Variants in GABBR2 observed in about 807,000 individuals in gnomAD.
The protein encoded by GABBR2 is G-protein coupled receptor 51.
A neutral mutation model predicts 105.6 loss-of-function variants in GABBR2; 23 were observed. That is an observed-to-expected ratio of 0.22 (90% CI 0.16 to 0.31). The LOEUF (loss-of-function observed/expected upper bound fraction) is 0.31, where lower values mean the gene tolerates loss of function less well. Ranked by LOEUF, GABBR2 falls within the 10% of genes least tolerant of loss-of-function variation. GABBR2 has a pLI of 1.00. For missense variants in GABBR2, 734 were observed against 1,245.5 expected, an observed-to-expected ratio of 0.59 and a Z score of 6.18; for synonymous variants, 478 against 499.7, an observed-to-expected ratio of 0.96 and a Z score of 0.58.
At chr9:98,462,617 C>T (rs928404824) in intron 6 of GABBR2, among the ~76,000 whole-genome samples, 6 of 152,180 alleles carry the variant, frequency 3.9e-5, no homozygotes, top group Non-Finnish European at 5.9e-5. Flanking sequence ...CCACTACACA[C>T]CCACTAGTTT....
At chr9:98,664,439 G>A (rs374300714) in intron 1 of GABBR2, among the ~76,000 whole-genome samples, 6 of 152,284 alleles carry the variant, frequency 3.9e-5, no homozygotes, top group African/African-American at 1.2e-4. Context: ...TCAGATTAAC[G>A]CAGACTCAGG....
At chr9:98,523,423 G>A (rs913988079) in intron 3 of GABBR2, among the ~76,000 whole-genome samples, 6 of 152,116 alleles carry the variant, frequency 3.9e-5, no homozygotes, top group Non-Finnish European at 8.8e-5. Context: ...ATCTTTAAAG[G>A]AGAAGCAAGT....
intron 2 of GABBR2, among the ~76,000 whole-genome samples, chr9:98,562,730 A>G (rs546522393): frequency 6.2e-4 from 95 of 152,240 alleles, no homozygotes; most frequent in African/African-American, 2.2e-3. Flanking sequence ...AACTTTCAAA[A>G]TAACAAAATT....
At chr9:98,692,213 C>T (rs1355578896) in intron 1 of GABBR2, among the ~76,000 whole-genome samples, 1 of 152,140 alleles carries the variant, frequency 6.6e-6, no homozygotes, top group Non-Finnish European at 1.5e-5. Flanking sequence ...AGAGGTCACA[C>T]CCGAGTCAAG....
Position 98,549,057 on chromosome 9 carries a change from C to T in GABBR2, c.460-7014G>A, listed in dbSNP as rs550055731. On this transcript the variant is annotated intron_variant, in intron 2 of 18. Coordinates refer to ENST00000259455, the MANE Select transcript of GABBR2 (RefSeq NM_005458.8). ...TGTTCAAGCGATTCTCCTGCCTCAG[C>T]CTCCCAAGCAGTGATTACAGGCACC... 2.3e-4 allele frequency among the ~76,000 whole-genome samples: 28 copies of T among 121,680 alleles called. 3 individuals carry two copies. Among genetic ancestry groups the T allele is most frequent in the African/African-American group, 7.4e-4 (28 of 38,034 alleles). 79.8% of individuals were successfully genotyped at this position (121,680 alleles called of 152,430 possible).
chr9:98,652,499 T>A (rs1830122087), intron 1 of GABBR2, among the ~76,000 whole-genome samples: 1 of 152,064 alleles, frequency 6.6e-6, no homozygotes, highest in Non-Finnish European at 1.5e-5. Flanking sequence ...GGATCAGTGG[T>A]TTTAGGTCTG....
chr9:98,575,838 C>T (rs1828899275), intron 2 of GABBR2, among the ~76,000 whole-genome samples: 1 of 152,166 alleles, frequency 6.6e-6, no homozygotes, highest in African/African-American at 2.4e-5. Context: ...ATCAGTGTGG[C>T]CTGCTCCGGC....
chr9:98,351,427 T>C (rs10985969), intron 13 of GABBR2, among the ~76,000 whole-genome samples: 5,485 of 152,288 alleles, frequency 0.036, 342 homozygotes, highest in East Asian at 0.25. Flanking sequence ...AGTTATACTT[T>C]TGTGTGTTTT....
chr9:98,687,797 T>C (rs910190777), intron 1 of GABBR2, among the ~76,000 whole-genome samples: 2 of 152,180 alleles, frequency 1.3e-5, no homozygotes, highest in African/African-American at 2.4e-5. Flanking sequence ...TGGGACCACC[T>C]ACCAATGCCC....
intron 1 of GABBR2, among the ~76,000 whole-genome samples, chr9:98,653,853 A>G (rs960920858): frequency 6.6e-6 from 1 of 152,184 alleles, no homozygotes; most frequent in African/African-American, 2.4e-5. Context: ...CCTCGTATTT[A>G]GTGGATGCAT....
chr9:98,639,992 C>T (rs1829937276), intron 1 of GABBR2, among the ~76,000 whole-genome samples: 1 of 152,094 alleles, frequency 6.6e-6, no homozygotes, highest in Non-Finnish European at 1.5e-5. Flanking sequence ...TCCATTCTTA[C>T]CTCTTTCCCT....
intron 1 of GABBR2, among the ~76,000 whole-genome samples, chr9:98,634,674 A>G (rs1829855130): frequency 6.6e-6 from 1 of 152,084 alleles, no homozygotes; most frequent in Non-Finnish European, 1.5e-5. Context: ...GAGCTAATAA[A>G]TTTCTATTGT....
At chr9:98,339,201 T>C (rs1333729214) in intron 13 of GABBR2, among the ~76,000 whole-genome samples, 1 of 151,198 alleles carries the variant, frequency 6.6e-6, no homozygotes, top group East Asian at 1.9e-4. Flanking sequence ...ATAGTGGTGA[T>C]AGTTGCACAG....
At chr9:98,393,130 C>T (rs1261008821) in intron 9 of GABBR2, among the ~76,000 whole-genome samples, 1 of 143,620 alleles carries the variant, frequency 7.0e-6, no homozygotes, top group Non-Finnish European at 1.5e-5. Context: ...ATCCACCCAA[C>T]CATCCATCCA....
intron 13 of GABBR2, among the ~76,000 whole-genome samples, chr9:98,341,338 T>G (rs1042134656): frequency 6.6e-6 from 1 of 152,220 alleles, no homozygotes; most frequent in Non-Finnish European, 1.5e-5. Flanking sequence ...TGGACACCCT[T>G]AAAATGTCTC....
intron 1 of GABBR2, among the ~76,000 whole-genome samples, chr9:98,688,083 T>C (rs1409726836): frequency 6.6e-6 from 1 of 152,054 alleles, no homozygotes; most frequent in Admixed American, 6.5e-5. Context: ...CCTCCAGAGA[T>C]CATAATGAGT....
At chr9:98,336,125 G>C (rs1274899907) in intron 13 of GABBR2, among the ~76,000 whole-genome samples, 1 of 152,242 alleles carries the variant, frequency 6.6e-6, no homozygotes, top group Non-Finnish European at 1.5e-5. Context: ...ATTTAAGCTA[G>C]ATCTGAATGA....
chr9:98,641,037 A>G (rs138537940), intron 1 of GABBR2, among the ~76,000 whole-genome samples: 9 of 152,076 alleles, frequency 5.9e-5, no homozygotes, highest in African/African-American at 1.9e-4. Context: ...AAATGCACAT[A>G]CCTGGGCTTC....
intron 16 of GABBR2, among the ~76,000 whole-genome samples, chr9:98,300,159 T>C (rs373816725): frequency 6.6e-6 from 1 of 151,594 alleles, no homozygotes; most frequent in Non-Finnish European, 1.5e-5. Flanking sequence ...CTACTGTGCC[T>C]GGCCTTATAA....
Sources: allele counts gnomAD v4.1 joint callset (sites outside exome capture counted in the v4.1 genomes callset), GRCh38; gene constraint gnomAD v4.1.1; transcripts MANE v1.5; gene names NCBI Gene and HGNC (gene_info 2026-07-23, HGNC 2026-07-21).